The following MYO9A variants were observed in gnomAD, a reference collection of about 807,000 sequenced individuals.
The protein encoded by MYO9A is unconventional myosin-IXa.
In MYO9A, 103 loss-of-function variants were observed where a neutral mutation model predicts 293.3. The observed-to-expected ratio is 0.35, with a 90% CI of 0.30 to 0.41. The LOEUF (loss-of-function observed/expected upper bound fraction) is 0.41, where lower values mean the gene tolerates loss of function less well. MYO9A is among the 10% of genes least tolerant of loss of function. The pLI, the probability that MYO9A is intolerant of heterozygous loss-of-function variation, is 1.00. For missense variants in MYO9A, 2,685 were observed against 3,033.0 expected (o/e 0.89, Z 2.69); for synonymous variants, 1,001 against 1,035.7 (o/e 0.97, Z 0.64).
intron 16 of MYO9A, among the ~76,000 whole-genome samples, chr15:71,936,107 T>C (rs911312958): frequency 6.6e-6 from 1 of 152,024 alleles, no homozygotes; most frequent in African/African-American, 2.4e-5. Context: ...ATGTGGTATA[T>C]ACATACAATG....
At position 71,825,834 on chromosome 15, in the gene MYO9A, C is replaced by T. The variant is rs1299312405; in HGVS notation, c.*746G>A. 6.6e-6 allele frequency: 1 copy of T among 152,098 alleles called. No individual in the cohort carries two copies. The highest frequency in any genetic ancestry group is 1.9e-4 in the East Asian group (1 of 5,188). The allele number at this position is 152,098 out of a possible 1,614,324, so 9.4% of individuals were successfully genotyped here. A position where few individuals can be genotyped will look rare whatever the true frequency, so the allele number is the denominator to read the frequency against. Reference sequence around the variant, plus strand: ...CAGTATGGCTACTGACACTTCAGCCCATGCAATGTATTTGGCAGGAACTAA... The same window carrying T: ...CAGTATGGCTACTGACACTTCAGCCTATGCAATGTATTTGGCAGGAACTAA... On this transcript the variant is annotated 3_prime_UTR_variant, in exon 42 of 42. Transcript: ENST00000356056.
At chr15:72,101,209 C>T (rs1188716608) in intron 1 of MYO9A, among the ~76,000 whole-genome samples, 1 of 134,068 alleles carries the variant, frequency 7.5e-6, no homozygotes. Flanking sequence ...AGGAGCCCCT[C>T]TGCCCGGCCA....
At chr15:72,001,646 A>G (rs1424501698) in intron 8 of MYO9A, among the ~76,000 whole-genome samples, 2 of 152,098 alleles carry the variant, frequency 1.3e-5, no homozygotes, top group African/African-American at 4.8e-5. Flanking sequence ...AACATATGAT[A>G]GATCAATAAT....
At position 72,117,966 on chromosome 15, in the gene MYO9A, G is replaced by T; in HGVS notation, c.-358C>A. 2.5e-6 allele frequency: 1 copy of T among 400,744 alleles called. No individual in the cohort carries two copies. The highest frequency in any genetic ancestry group is 1.3e-4 in the South Asian group (1 of 7,938). The allele number at this position is 400,744 out of a possible 1,614,324, so 24.8% of individuals were successfully genotyped here. On this transcript the variant is annotated 5_prime_UTR_variant, in exon 1 of 42. Coordinates refer to ENST00000356056, the MANE Select transcript of MYO9A (RefSeq NM_006901.4). Reference sequence around the variant, plus strand: ...GCCGCCTCAACCGCTGCCAGCGGCCGCCTCTGCCGGTGCAACTACTGCCTC... The same window carrying T: ...GCCGCCTCAACCGCTGCCAGCGGCCTCCTCTGCCGGTGCAACTACTGCCTC...
intron 1 of MYO9A, among the ~76,000 whole-genome samples, chr15:72,085,746 T>C (rs903678634): frequency 6.6e-6 from 1 of 152,232 alleles, no homozygotes; most frequent in Non-Finnish European, 1.5e-5. Context: ...TTCTCAACTT[T>C]GCGGGCTGAT....
chr15:72,027,301 T>A (rs753033902), intron 4 of MYO9A, among the ~76,000 whole-genome samples: 1 of 152,254 alleles, frequency 6.6e-6, no homozygotes, highest in Non-Finnish European at 1.5e-5. Flanking sequence ...AAACAAATCA[T>A]GAATTTACTT....
chr15:71,962,793 A>C (rs1179609739), intron 13 of MYO9A, among the ~76,000 whole-genome samples: 1 of 152,208 alleles, frequency 6.6e-6, no homozygotes, highest in African/African-American at 2.4e-5. Flanking sequence ...ATTAATAACT[A>C]CACTGTACAA....
At chr15:71,876,264 C>T (rs949006289) in intron 31 of MYO9A, among the ~76,000 whole-genome samples, 2 of 150,586 alleles carry the variant, frequency 1.3e-5, no homozygotes, top group African/African-American at 2.4e-5. Flanking sequence ...TCTCCTGCCT[C>T]GGCCTCCTGA....
intron 2 of MYO9A, among the ~76,000 whole-genome samples, chr15:72,037,392 G>A (rs2078086328): frequency 6.6e-6 from 1 of 151,926 alleles, no homozygotes; most frequent in Non-Finnish European, 1.5e-5. Flanking sequence ...GCACAGCACT[G>A]CACATGCCCA....
chr15:71,924,044 T>C (rs958518956), intron 18 of MYO9A, among the ~76,000 whole-genome samples: 4 of 130,860 alleles, frequency 3.1e-5, no homozygotes, highest in Non-Finnish European at 6.5e-5. Flanking sequence ...TACATTGCAT[T>C]TGCATTCTCA....
chr15:72,008,322 A>G (rs1566944601), intron 7 of MYO9A, among the ~76,000 whole-genome samples: 1 of 152,168 alleles, frequency 6.6e-6, no homozygotes, highest in Non-Finnish European at 1.5e-5. Flanking sequence ...AGAATTGCCA[A>G]AGGAAAGGCC....
intron 32 of MYO9A, among the ~76,000 whole-genome samples, chr15:71,870,150 AT>A (rs924926041): frequency 6.6e-6 from 1 of 152,164 alleles, no homozygotes; most frequent in Non-Finnish European, 1.5e-5. Context: ...TAAGATGGGA[AT>A]CAAGAAATTG....
intron 34 of MYO9A, among the ~76,000 whole-genome samples, chr15:71,855,865 A>G (rs1211266174): frequency 6.6e-6 from 1 of 152,220 alleles, no homozygotes; most frequent in African/African-American, 2.4e-5. Context: ...GCTAATTAGT[A>G]TATAGCAAAC....
At chr15:71,874,307 G>A (rs982421964) in intron 32 of MYO9A, among the ~76,000 whole-genome samples, 7 of 152,170 alleles carry the variant, frequency 4.6e-5, no homozygotes, top group African/African-American at 1.7e-4. Context: ...ATTTTTGGCA[G>A]GGTTGAATCC....
intron 10 of MYO9A, among the ~76,000 whole-genome samples, chr15:71,993,980 C>T (rs1596337292): frequency 1.3e-5 from 2 of 151,234 alleles, no homozygotes; most frequent in East Asian, 3.9e-4. Context: ...AACAGCAATC[C>T]CACTTTGATA....
chr15:72,065,581 A>AC (rs1395665143), intron 1 of MYO9A, among the ~76,000 whole-genome samples: 5 of 151,878 alleles, frequency 3.3e-5, no homozygotes, highest in Non-Finnish European at 5.9e-5. Context: ...AACAACAACA[A>AC]AAAAAACACA....
chr15:71,943,916 A>G (rs542592133), intron 15 of MYO9A, among the ~76,000 whole-genome samples: 100 of 152,288 alleles, frequency 6.6e-4, no homozygotes, highest in African/African-American at 2.3e-3. Context: ...TATGGGAAAA[A>G]TACGCTTATC....
intron 19 of MYO9A, among the ~76,000 whole-genome samples, chr15:71,912,846 A>G (rs1365485662): frequency 6.6e-6 from 1 of 152,040 alleles, no homozygotes; most frequent in Non-Finnish European, 1.5e-5. Flanking sequence ...TGGCTTTGAT[A>G]GTTTCTGATC....
chr15:71,956,482 TA>T (rs775021970), intron 14 of MYO9A, among the ~76,000 whole-genome samples: 10 of 143,834 alleles, frequency 7.0e-5, no homozygotes, highest in South Asian at 2.2e-4. Flanking sequence ...CTACTAAAAA[TA>T]CAAAAATATA....
Sources: allele counts gnomAD v4.1 joint callset (sites outside exome capture counted in the v4.1 genomes callset), GRCh38; gene constraint gnomAD v4.1.1; transcripts MANE v1.5; gene names NCBI Gene and HGNC (gene_info 2026-07-23, HGNC 2026-07-21).